The following TLK1 variants were observed in gnomAD, a reference collection of about 807,000 sequenced individuals.
TLK1 encodes the protein serine/threonine-protein kinase tousled-like 1.
TLK1 carries 24 observed loss-of-function variants against 105.3 expected under a neutral mutation model. The observed-to-expected ratio is 0.23, with a 90% CI of 0.17 to 0.32. The LOEUF (loss-of-function observed/expected upper bound fraction) is 0.32. TLK1 is among the 10% of genes least tolerant of loss of function. The pLI is 1.00. For missense variants in TLK1, 558 were observed against 910.5 expected (o/e 0.61, Z 4.98); for synonymous variants, 321 against 310.4 (o/e 1.03, Z -0.36).
rs1690889792 is a variant in TLK1 at position 171,126,935 on chromosome 2, T to C, written c.140-9078A>G. On this transcript the variant is annotated intron_variant, in intron 1 of 20. Transcript: ENST00000431350. ...AAATATTCCACTTAAATAATTCCTT[T>C]TCATTAGTTTTTTTTAATGCACTCA... 2.0e-5 allele frequency among the ~76,000 whole-genome samples: 3 copies of C among 151,874 alleles called. 1 individual carries two copies. The South Asian group carries it at 6.2e-4, about 32-fold the overall frequency.
At chr2:171,142,683 CA>C (rs777288326) in intron 1 of TLK1, among the ~76,000 whole-genome samples, 15 of 152,184 alleles carry the variant, frequency 9.9e-5, no homozygotes, top group Non-Finnish European at 1.9e-4. Flanking sequence ...GATATTTTAA[CA>C]AACCTTTGTC....
chr2:171,145,791 A>C (rs1691770159), intron 1 of TLK1, among the ~76,000 whole-genome samples: 1 of 152,224 alleles, frequency 6.6e-6, no homozygotes, highest in African/African-American at 2.4e-5. Flanking sequence ...GAATCTTACA[A>C]ATAATATGTG....
At chr2:171,003,523 T>TA (rs533734764) in intron 18 of TLK1, among the ~76,000 whole-genome samples, 135 of 152,300 alleles carry the variant, frequency 8.9e-4, no homozygotes, top group Non-Finnish European at 1.4e-3. Context: ...TTACTGGTGT[T>TA]ATTCAAGGTT....
intron 1 of TLK1, among the ~76,000 whole-genome samples, chr2:171,181,680 C>T (rs1458762012): frequency 6.6e-6 from 1 of 152,112 alleles, no homozygotes; most frequent in East Asian, 1.9e-4. Flanking sequence ...TTTTAATAGC[C>T]AGCTCTTAAG....
chr2:171,228,071 G>A (rs1022897460), intron 1 of TLK1, among the ~76,000 whole-genome samples: 1 of 152,178 alleles, frequency 6.6e-6, no homozygotes, highest in Non-Finnish European at 1.5e-5. Flanking sequence ...AGCTACTTGG[G>A]AGGCTGAGAC....
chr2:171,037,878 G>C (rs528599590), intron 11 of TLK1, among the ~76,000 whole-genome samples: 1 of 152,242 alleles, frequency 6.6e-6, no homozygotes, highest in South Asian at 2.1e-4. Flanking sequence ...GAAAATAAGT[G>C]GGAAGCATAT....
chr2:171,153,149 C>G (rs1276178090), intron 1 of TLK1, among the ~76,000 whole-genome samples: 1 of 152,138 alleles, frequency 6.6e-6, no homozygotes, highest in Non-Finnish European at 1.5e-5. Context: ...ATATTTTAGG[C>G]AATATATCCT....
chr2:171,065,150 T>C (rs892388363), intron 3 of TLK1, among the ~76,000 whole-genome samples: 1 of 152,142 alleles, frequency 6.6e-6, no homozygotes, highest in African/African-American at 2.4e-5. Flanking sequence ...TGAAAACAGA[T>C]AACCACCTGT....
intron 1 of TLK1, among the ~76,000 whole-genome samples, chr2:171,172,654 GT>G (rs1692751874): frequency 6.6e-6 from 1 of 152,066 alleles, no homozygotes; most frequent in Non-Finnish European, 1.5e-5. Flanking sequence ...TTGTTTAAAA[GT>G]GCCACCTTCC....
intron 2 of TLK1, among the ~76,000 whole-genome samples, chr2:171,094,782 AT>A (rs1452800366): frequency 6.6e-6 from 1 of 152,004 alleles, no homozygotes; most frequent in Non-Finnish European, 1.5e-5. Flanking sequence ...CTAATTTTGT[AT>A]TTTTAGTAGA....
At chr2:171,022,088 C>CACACACACATACAG (rs1685544285) in intron 12 of TLK1, among the ~76,000 whole-genome samples, 2 of 139,200 alleles carry the variant, frequency 1.4e-5, no homozygotes, top group East Asian at 2.1e-4. Context: ...GGGCGAAAAA[C>CACACACACATACAG]ACACACACAC....
intron 1 of TLK1, among the ~76,000 whole-genome samples, chr2:171,137,614 T>C (rs1691379673): frequency 6.6e-6 from 1 of 152,002 alleles, no homozygotes; most frequent in African/African-American, 2.4e-5. Flanking sequence ...TTTGGGAGGC[T>C]AACGTGGGCG....
chr2:171,224,463 G>A (rs1693863992), intron 1 of TLK1, among the ~76,000 whole-genome samples: 1 of 151,958 alleles, frequency 6.6e-6, no homozygotes, highest in Non-Finnish European at 1.5e-5. Flanking sequence ...CAAGAAAAAT[G>A]CCACTGGTAT....
chr2:171,083,494 T>TTC (rs1688838141), intron 2 of TLK1, among the ~76,000 whole-genome samples: 1 of 152,136 alleles, frequency 6.6e-6, no homozygotes, highest in African/African-American at 2.4e-5. Flanking sequence ...TACGCTTCTA[T>TTC]GATACTTATT....
chr2:171,013,003 C>T (rs1292418880), intron 13 of TLK1, among the ~76,000 whole-genome samples: 4 of 125,862 alleles, frequency 3.2e-5, no homozygotes, highest in African/African-American at 1.0e-4. Context: ...GTACCATATG[C>T]TCTATTAGAT....
chr2:171,055,030 T>G, intron 7 of TLK1, 53 bp downstream of exon 7: 1 of 1,026,942 alleles, frequency 9.7e-7, no homozygotes, highest in Non-Finnish European at 1.4e-6. Context: ...GTTAGTAAGT[T>G]AGTCAATGGT....
chr2:170,995,442 T>C (rs1684009471), intron 20 of TLK1, among the ~76,000 whole-genome samples: 1 of 152,136 alleles, frequency 6.6e-6, no homozygotes, highest in Non-Finnish European at 1.5e-5. Flanking sequence ...AAGGTGACTG[T>C]GGTGCCTATT....
chr2:171,025,271 T>C (rs1265273338), intron 12 of TLK1, among the ~76,000 whole-genome samples: 3 of 152,198 alleles, frequency 2.0e-5, no homozygotes, highest in Non-Finnish European at 4.4e-5. Context: ...TTTTCAATTA[T>C]AGTGATTATC....
intron 1 of TLK1, among the ~76,000 whole-genome samples, chr2:171,201,655 T>G (rs962659838): frequency 2.0e-5 from 3 of 152,254 alleles, no homozygotes; most frequent in Admixed American, 6.5e-5. Flanking sequence ...CTGTTCCACC[T>G]GGTTCCCATC....
Sources: allele counts gnomAD v4.1 joint callset (sites outside exome capture counted in the v4.1 genomes callset), GRCh38; gene constraint gnomAD v4.1.1; transcripts MANE v1.5; gene names NCBI Gene and HGNC (gene_info 2026-07-23, HGNC 2026-07-21).